Variants in RIN2 observed in about 807,000 individuals in gnomAD.
RIN2 encodes the protein RAB5 interacting protein 2.
Under a neutral mutation model 78.0 loss-of-function variants are expected in RIN2, and 36 were observed. The ratio of observed to expected loss-of-function variants is 0.46; its 90% CI spans 0.35 to 0.61. The LOEUF (loss-of-function observed/expected upper bound fraction) is 0.61. RIN2 is among the 20% of genes least tolerant of loss of function. The probability of loss-of-function intolerance (pLI) is 0.00; values close to 1 mark genes in which losing one functional copy is unlikely to be tolerated. For synonymous variants in RIN2, 466 were observed against 466.8 expected, an observed-to-expected ratio of 1.00 and a Z score of 0.02; for missense variants, 1,087 against 1,159.7, an observed-to-expected ratio of 0.94 and a Z score of 0.91.
intron 12 of RIN2, 125 bp from the exon 13 acceptor site, chr20:20,000,488 C>T (rs901061407): frequency 1.1e-5 from 8 of 742,982 alleles, no homozygotes; most frequent in Non-Finnish European, 1.3e-5. Context: ...CGTGGCCTGA[C>T]ATCGGACATT....
intron 1 of RIN2, among the ~76,000 whole-genome samples, chr20:19,764,918 G>GTTTTTTTTGTTTTTTTTTT (rs2033807513): frequency 4.0e-5 from 2 of 50,360 alleles, no homozygotes; most frequent in Non-Finnish European, 7.3e-5. Context: ...CACTTTCTGC[G>GTTTTTTTTGTTTTTTTTTT]TTTTTTTTTT....
chr20:19,794,842 A>G (rs73901295), intron 1 of RIN2, among the ~76,000 whole-genome samples: 2,364 of 152,276 alleles, frequency 0.016, 68 homozygotes, highest in African/African-American at 0.055. Flanking sequence ...CATTTGGTTA[A>G]TTCATGAATA....
chr20:19,854,489 A>T (rs2037099575), intron 2 of RIN2, among the ~76,000 whole-genome samples: 1 of 152,074 alleles, frequency 6.6e-6, no homozygotes, highest in South Asian at 2.1e-4. Context: ...CATTTTCATG[A>T]TATTGATTCT....
chr20:19,835,889 G>A (rs2036406483), intron 2 of RIN2, among the ~76,000 whole-genome samples: 1 of 152,132 alleles, frequency 6.6e-6, no homozygotes, highest in Non-Finnish European at 1.5e-5. Context: ...AGTGCATCTT[G>A]CTCCTCTAAG....
chr20:19,779,650 G>A (rs1183261961), intron 1 of RIN2, among the ~76,000 whole-genome samples: 3 of 152,216 alleles, frequency 2.0e-5, no homozygotes, highest in Non-Finnish European at 4.4e-5. Context: ...CCTCAGATAA[G>A]TGTCCCCAGA....
At chr20:19,853,790 G>A (rs1568818137) in intron 2 of RIN2, among the ~76,000 whole-genome samples, 1 of 152,146 alleles carries the variant, frequency 6.6e-6, no homozygotes, top group African/African-American at 2.4e-5. Context: ...CCCTTTGTCA[G>A]ATGAGTAGAT....
intron 9 of RIN2, among the ~76,000 whole-genome samples, chr20:19,980,392 C>A (rs537601908): frequency 5.3e-5 from 8 of 152,278 alleles, no homozygotes; most frequent in Middle Eastern, 3.4e-3. Context: ...AAGGTTGACA[C>A]CCCTGGAGTT....
chr20:19,861,745 C>G (rs1481333313), intron 2 of RIN2, among the ~76,000 whole-genome samples: 1 of 151,292 alleles, frequency 6.6e-6, no homozygotes, highest in Non-Finnish European at 1.5e-5. Context: ...CCCTCCATAT[C>G]CGATGATCAC....
intron 6 of RIN2, among the ~76,000 whole-genome samples, chr20:19,962,117 A>G (rs1428953307): frequency 6.7e-6 from 1 of 150,222 alleles, no homozygotes; most frequent in Non-Finnish European, 1.5e-5. Flanking sequence ...CCTGGGCAAC[A>G]TGGCAAAACT....
chr20:19,889,269 C>A (rs2123489510), intron 2 of RIN2: 1 of 1,079,798 alleles, frequency 9.3e-7, no homozygotes, highest in East Asian at 6.3e-5. Flanking sequence ...GGTCTGTTCA[C>A]ATTTCAGCAG....
At chr20:20,000,398 T>C (rs1367828393) in intron 12 of RIN2, among the ~76,000 whole-genome samples, 1 of 152,214 alleles carries the variant, frequency 6.6e-6, no homozygotes. Context: ...TTCCTGCTTC[T>C]TACAGTTGCA....
In RIN2 at chr20:19,999,488, G is replaced by C. The variant is rs73287529; in HGVS notation, c.2365-1125G>C. Among the ~76,000 whole-genome samples, 1,048 of 152,318 alleles carry C rather than the reference G, an allele frequency of 6.9e-3. 9 individuals are homozygous for C. Among genetic ancestry groups the C allele is most frequent in the African/African-American group, 0.024 (1,004 of 41,576 alleles). ...GTGACCTTGCAGGCACCTGGGCAGAGAGCCCTCCTTCCCTTCACTGCTGAG... is the reference window on the plus strand; with the variant it reads ...GTGACCTTGCAGGCACCTGGGCAGACAGCCCTCCTTCCCTTCACTGCTGAG... On this transcript the variant is annotated intron_variant, in intron 12 of 12. Coordinates refer to ENST00000255006, the MANE Select transcript of RIN2 (RefSeq NM_018993.4).
intron 3 of RIN2, among the ~76,000 whole-genome samples, chr20:19,919,185 G>T (rs1423109055): frequency 1.3e-5 from 2 of 152,196 alleles, no homozygotes; most frequent in African/African-American, 4.8e-5. Flanking sequence ...GTTATATCCA[G>T]AGAGGGTTTT....
At chr20:19,786,881 T>C (rs1321491822) in intron 1 of RIN2, among the ~76,000 whole-genome samples, 1 of 152,204 alleles carries the variant, frequency 6.6e-6, no homozygotes, top group African/African-American at 2.4e-5. Flanking sequence ...AATTGAGTTA[T>C]TTTCCAGTGA....
intron 4 of RIN2, among the ~76,000 whole-genome samples, chr20:19,943,192 T>C (rs145278867): frequency 0.011 from 1,709 of 152,314 alleles, 15 homozygotes; most frequent in Middle Eastern, 0.02. Flanking sequence ...TTCTTATTTT[T>C]ACAGGAACAA....
intron 3 of RIN2, among the ~76,000 whole-genome samples, chr20:19,912,475 CTT>C (rs545323465): frequency 4.5e-5 from 5 of 110,932 alleles, no homozygotes; most frequent in Non-Finnish European, 5.2e-5. Flanking sequence ...TTTTCTTTTT[CTT>C]TTTTTTTTTT....
At chr20:19,959,576 C>T (rs6112690) in intron 5 of RIN2, among the ~76,000 whole-genome samples, 32,637 of 152,002 alleles carry the variant, frequency 0.21, 4,013 homozygotes, top group East Asian at 0.48. Flanking sequence ...ATCTTCCCAC[C>T]CCCCAAATAA....
chr20:19,945,477 G>A (rs189253959), intron 4 of RIN2, among the ~76,000 whole-genome samples: 1 of 152,238 alleles, frequency 6.6e-6, no homozygotes, highest in African/African-American at 2.4e-5. Context: ...TTCCTGCCAG[G>A]ACTGTCTACC....
rs1417466047 is a variant in RIN2 at position 19,975,514 on chromosome 20, C to T, written c.1489C>T (p.Leu497=). 2 of 1,613,938 alleles carry T rather than the reference C, an allele frequency of 1.2e-6. No homozygotes were observed. Among genetic ancestry groups the T allele is most frequent in the Non-Finnish European group, 1.7e-6 (2 of 1,179,906 alleles). Residue 497 remains leucine (L), a synonymous_variant, in exon 9 of 13, where the codon CTG becomes TTG. Coordinates refer to ENST00000255006, the MANE Select transcript of RIN2 (RefSeq NM_018993.4). This position sits in a 1 kb window ranked among gnomAD's most constrained non-coding sequence, Gnocchi z 4.9. ...FVLPKLVKSQ[L]QKVSGVFSSF... ...GCTGCCCAAGCTCGTCAAGTCCCAG[C>T]TGCAGAAGGTGAGCGGGGTGTTCAG... is the stretch of plus-strand genomic sequence containing the variant.
Sources: gnomAD v4.1 joint callset for allele counts (sites outside exome capture counted in the v4.1 genomes callset) on GRCh38, gnomAD v4.1.1 for gene constraint, Gnocchi (gnomAD v3.1) non-coding constraint, MANE v1.5 for transcripts, NCBI Gene and HGNC (gene_info 2026-07-23, HGNC 2026-07-21) for gene names.